The following ANO6 variants were observed in gnomAD, a reference collection of about 807,000 sequenced individuals.
The protein encoded by ANO6 is anoctamin-6.
Under a neutral mutation model 117.5 loss-of-function variants are expected in ANO6, and 106 were observed. The ratio of observed to expected loss-of-function variants is 0.90; its 90% CI spans 0.77 to 1.06. The LOEUF (loss-of-function observed/expected upper bound fraction) is 1.06, where lower values mean the gene tolerates loss of function less well. ANO6 is among the 50% of genes least tolerant of loss of function. ANO6 has a pLI of 0.00. For missense variants in ANO6, 955 were observed against 1,121.1 expected (o/e 0.85, Z 2.12); for synonymous variants, 367 against 385.1 (o/e 0.95, Z 0.55).
At chr12:45,356,142 C>T (rs567570184) in intron 7 of ANO6, among the ~76,000 whole-genome samples, 11 of 152,280 alleles carry the variant, frequency 7.2e-5, no homozygotes, top group South Asian at 2.1e-4. Flanking sequence ...ATCTTGCCTA[C>T]GTGGCCTCTT....
chr12:45,389,424 A>T (rs911749073), intron 11 of ANO6, among the ~76,000 whole-genome samples: 3 of 152,160 alleles, frequency 2.0e-5, no homozygotes, highest in African/African-American at 7.2e-5. Flanking sequence ...GCACTAAAAA[A>T]TCTTATAATA....
intron 1 of ANO6, among the ~76,000 whole-genome samples, chr12:45,285,295 C>T (rs759811364): frequency 6.6e-6 from 1 of 152,182 alleles, no homozygotes; most frequent in African/African-American, 2.4e-5. Flanking sequence ...AAGTAGTTAC[C>T]AACTAGCACC....
intron 1 of ANO6, among the ~76,000 whole-genome samples, chr12:45,221,062 G>GGT (rs1046446218): frequency 1.8e-4 from 27 of 148,608 alleles, no homozygotes; most frequent in African/African-American, 5.3e-4. Flanking sequence ...TCGGAAGTGG[G>GGT]GGGGGGCAGC....
intron 10 of ANO6, among the ~76,000 whole-genome samples, chr12:45,385,043 G>A (rs1280622472): frequency 6.6e-6 from 1 of 152,150 alleles, no homozygotes; most frequent in African/African-American, 2.4e-5. Flanking sequence ...CCCAGGTGGT[G>A]GGGGTCCTCC....
chr12:45,386,319 C>T (rs1317701016), intron 10 of ANO6, among the ~76,000 whole-genome samples: 1 of 152,180 alleles, frequency 6.6e-6, no homozygotes. Flanking sequence ...AGACTTTTAC[C>T]TATCTACTGG....
Position 45,216,400 on chromosome 12 carries a change from G to C in ANO6, c.70+9G>C. On this transcript the variant is annotated intron_variant, in intron 1 of 19. Transcript: ENST00000320560. ...CGACGATGGGGATATCGGTGAGCGA[G>C]GGGTCCCCGCGTCCCCACCCGAGAG... is the stretch of plus-strand genomic sequence containing the variant. 6.2e-7 allele frequency: 1 copy of C among 1,609,950 alleles called. No individual in the cohort carries two copies. The highest frequency in any genetic ancestry group is 8.5e-7 in the Non-Finnish European group (1 of 1,178,456).
intron 1 of ANO6, among the ~76,000 whole-genome samples, chr12:45,274,202 G>A (rs1164641300): frequency 1.3e-5 from 2 of 152,080 alleles, no homozygotes; most frequent in African/African-American, 2.4e-5. Flanking sequence ...GGCCCTGAAT[G>A]CCATCTGTAT....
chr12:45,295,626 A>G lies in ANO6; in HGVS notation c.71-6388A>G, dbSNP rs572483538. Among the ~76,000 whole-genome samples the G allele has an allele frequency of 3.5e-4, 53 of 151,942 alleles. No homozygotes were observed. In the South Asian group the frequency reaches 0.011, roughly 32 times the overall value. On this transcript the variant is annotated intron_variant, in intron 1 of 19. Coordinates refer to ENST00000320560, the MANE Select transcript of ANO6 (RefSeq NM_001025356.3). ...TGGAGTGCAGGGGTACAGGGGCCCA[A>G]TTTCGGCTCACTGCAACCTCTGCTT...
At chr12:45,282,452 A>AGAG (rs746980790) in intron 1 of ANO6, among the ~76,000 whole-genome samples, 1 of 152,218 alleles carries the variant, frequency 6.6e-6, no homozygotes, top group South Asian at 2.1e-4. Context: ...AGACCCTCTA[A>AGAG]GAGAATGAAA....
intron 9 of ANO6, among the ~76,000 whole-genome samples, chr12:45,375,510 T>C (rs1941984144): frequency 1.3e-5 from 2 of 152,246 alleles, no homozygotes; most frequent in Admixed American, 6.5e-5. Flanking sequence ...AACAGAGATA[T>C]AGATCAATGG....
intron 2 of ANO6, among the ~76,000 whole-genome samples, chr12:45,303,502 G>A (rs1252176714): frequency 6.6e-6 from 1 of 152,168 alleles, no homozygotes; most frequent in African/African-American, 2.4e-5. Flanking sequence ...TGTGCAACAA[G>A]GTGTTGGTGC....
Position 45,216,359 on chromosome 12 carries a change from A to G in ANO6, c.38A>G (p.Glu13Gly). The G allele has an allele frequency of 1.2e-6, 2 of 1,607,214 alleles. No homozygotes were observed. The highest frequency in any genetic ancestry group is 1.7e-6 in the Non-Finnish European group (2 of 1,176,206). Residue 13 changes from glutamate (E) to glycine (G), a missense_variant, in exon 1 of 20, where the codon GAG becomes GGG. Physicochemically the swap from Glu to Gly is moderately conservative, Grantham distance 98. Transcript: ENST00000320560. Reference sequence around the variant, plus strand: ...AGCAGGAATGTTTTGCTACAAATGGAGGAGGAGGAGGACGACGACGATGGG... The same window carrying G: ...AGCAGGAATGTTTTGCTACAAATGGGGGAGGAGGAGGACGACGACGATGGG... ...KMSRNVLLQM[E>G]EEEDDDDGDI... is the part of the protein sequence containing the mutation.
At chr12:45,388,541 A>G (rs1942361748) in intron 11 of ANO6, among the ~76,000 whole-genome samples, 1 of 152,212 alleles carries the variant, frequency 6.6e-6, no homozygotes, top group African/African-American at 2.4e-5. Context: ...AACAGTAGAC[A>G]CAGGAGATAA....
intron 12 of ANO6, among the ~76,000 whole-genome samples, chr12:45,399,108 G>A (rs1942711071): frequency 6.6e-6 from 1 of 152,170 alleles, no homozygotes; most frequent in African/African-American, 2.4e-5. Context: ...GGGCATGGTG[G>A]GTCTGGACAC....
intron 1 of ANO6, among the ~76,000 whole-genome samples, chr12:45,242,588 C>T (rs557399872): frequency 6.6e-6 from 1 of 152,344 alleles, no homozygotes; most frequent in South Asian, 2.1e-4. Flanking sequence ...ACCCACTGTC[C>T]AACCAGTCCC....
intron 1 of ANO6, among the ~76,000 whole-genome samples, chr12:45,253,321 C>T (rs1254579208): frequency 6.6e-6 from 1 of 152,142 alleles, no homozygotes; most frequent in South Asian, 2.1e-4. Flanking sequence ...TCTCTCCAAG[C>T]CCCCGCCACT....
intron 12 of ANO6, among the ~76,000 whole-genome samples, chr12:45,398,371 AGT>A (rs1942687210): frequency 1.3e-5 from 2 of 152,232 alleles, no homozygotes; most frequent in African/African-American, 4.8e-5. Flanking sequence ...GATAGGACTC[AGT>A]GTCTGTGAGG....
chr12:45,391,448 A>G (rs1234603696), intron 12 of ANO6, among the ~76,000 whole-genome samples: 1 of 152,222 alleles, frequency 6.6e-6, no homozygotes, highest in Non-Finnish European at 1.5e-5. Flanking sequence ...GGCATTATAA[A>G]TCCATCAGAC....
downstream of ANO6, among the ~76,000 whole-genome samples, chr12:45,433,215 T>C (rs1423653707): frequency 6.6e-6 from 1 of 152,254 alleles, no homozygotes; most frequent in Non-Finnish European, 1.5e-5. Flanking sequence ...CAATCAGGCA[T>C]AGCGGAAGCC....
Sources: gnomAD v4.1 joint callset for allele counts (sites outside exome capture counted in the v4.1 genomes callset) on GRCh38, gnomAD v4.1.1 for gene constraint, MANE v1.5 for transcripts, NCBI Gene and HGNC (gene_info 2026-07-23, HGNC 2026-07-21) for gene names.